COL23A1: variants seen among roughly 807,000 people sequenced by gnomAD.
The protein encoded by COL23A1 is collagen alpha-1(XXIII) chain.
A neutral mutation model predicts 99.3 loss-of-function variants in COL23A1; 97 were observed. The ratio of observed to expected loss-of-function variants is 0.98; its 90% CI spans 0.83 to 1.16. COL23A1 has a LOEUF of 1.16. Among genes scored for constraint, COL23A1 ranks in the 50% most tolerant of loss-of-function variants. The pLI is 0.00. For synonymous variants in COL23A1, 320 were observed against 308.2 expected (o/e 1.04, Z -0.40); for missense variants, 762 against 757.4 (o/e 1.01, Z -0.07).
rs2127923250 is a variant in COL23A1, at chr5:178,468,182, T to A, written c.361+92500A>T. ...GGTGTGCTTGTGTGTTCACGGAGGA[T>A]GAACACACCCACCCAGACCCCACCC... On this transcript the variant is annotated intron_variant, in intron 2 of 28. Coordinates refer to ENST00000390654, the MANE Select transcript of COL23A1 (RefSeq NM_173465.4). This position sits in a 1 kb window ranked among gnomAD's most constrained non-coding sequence, Gnocchi z 4.2. Among the ~76,000 whole-genome samples the A allele has an allele frequency of 6.6e-6, 1 of 152,006 alleles. No individual in the cohort carries two copies. Among genetic ancestry groups the A allele is most frequent in the East Asian group, 1.9e-4 (1 of 5,170 alleles).
chr5:178,345,319 G>A (rs373894512), intron 2 of COL23A1: 10 of 424,510 alleles, frequency 2.4e-5, no homozygotes, highest in East Asian at 9.7e-5. Context: ...GGAGCAATTC[G>A]GAAGAGAAAC....
intron 2 of COL23A1, among the ~76,000 whole-genome samples, chr5:178,394,530 G>A (rs75431630): frequency 0.031 from 4,771 of 152,316 alleles, 239 homozygotes; most frequent in African/African-American, 0.11. Flanking sequence ...CAAAAGCCAC[G>A]ATGTTCCGGC....
intron 2 of COL23A1, among the ~76,000 whole-genome samples, chr5:178,325,970 G>T (rs1759629065): frequency 6.6e-6 from 1 of 152,184 alleles, no homozygotes; most frequent in Non-Finnish European, 1.5e-5. Context: ...GGTCTTTCTA[G>T]CCAGGGCTGT....
intron 2 of COL23A1, among the ~76,000 whole-genome samples, chr5:178,376,285 T>C (rs1247505812): frequency 1.3e-5 from 2 of 152,258 alleles, no homozygotes; most frequent in Admixed American, 1.3e-4. Flanking sequence ...TATTTAGGTA[T>C]TCTCTGCTAT....
intron 2 of COL23A1, among the ~76,000 whole-genome samples, chr5:178,427,450 C>T (rs1222404486): frequency 6.6e-6 from 1 of 152,200 alleles, no homozygotes; most frequent in Non-Finnish European, 1.5e-5. Flanking sequence ...AACGTATGTC[C>T]ATACAAAAGC....
In COL23A1 at chr5:178,239,229, T is replaced by TCTACACCCCACATGCCCTCCC. The variant is rs1169184628; in HGVS notation, c.1582-71_1582-51dup. 3 of 1,600,770 alleles carry TCTACACCCCACATGCCCTCCC rather than the reference T, an allele frequency of 1.9e-6. No homozygotes were observed. The Admixed American group carries it at 5.0e-5, about 27-fold the overall frequency. On this transcript the variant is annotated intron_variant, in intron 27 of 28. Coordinates refer to ENST00000390654, the MANE Select transcript of COL23A1 (RefSeq NM_173465.4). ...ATGGGGATGGGGCCTGGGGAGCTCC[T>TCTACACCCCACATGCCCTCCC]CTACACCCCACATGCCCTCCCCTGG...
chr5:178,467,724 A>T (rs1024503807), intron 2 of COL23A1, among the ~76,000 whole-genome samples: 6 of 152,202 alleles, frequency 3.9e-5, no homozygotes, highest in Admixed American at 3.9e-4. Flanking sequence ...ATTCTTTTTA[A>T]TTGACTCATT....
At chr5:178,517,959 G>A (rs1439692009) in intron 2 of COL23A1, among the ~76,000 whole-genome samples, 1 of 130,104 alleles carries the variant, frequency 7.7e-6, no homozygotes, top group African/African-American at 3.3e-5. Flanking sequence ...GATTTGGCAG[G>A]GTCATGGGAC....
chr5:178,508,838 C>T (rs1401649228), intron 2 of COL23A1, among the ~76,000 whole-genome samples: 1 of 152,166 alleles, frequency 6.6e-6, no homozygotes, highest in Non-Finnish European at 1.5e-5. Flanking sequence ...TTCCTTGTGT[C>T]CCAGGGTCCC....
At chr5:178,386,015 A>C (rs1159009358) in intron 2 of COL23A1, among the ~76,000 whole-genome samples, 3 of 152,186 alleles carry the variant, frequency 2.0e-5, no homozygotes, top group African/African-American at 7.2e-5. Flanking sequence ...AGTGCATAGA[A>C]TTTGCAGATC....
chr5:178,371,129 C>A (rs968982865), intron 2 of COL23A1, among the ~76,000 whole-genome samples: 1 of 152,092 alleles, frequency 6.6e-6, no homozygotes, highest in Admixed American at 6.5e-5. Flanking sequence ...AACATCATGC[C>A]GCACACCATA....
At chr5:178,329,824 C>G (rs1759906700) in intron 2 of COL23A1, among the ~76,000 whole-genome samples, 1 of 152,044 alleles carries the variant, frequency 6.6e-6, no homozygotes, top group Non-Finnish European at 1.5e-5. Flanking sequence ...GTAGTCCCAG[C>G]TACTCAGGAG....
intron 2 of COL23A1, among the ~76,000 whole-genome samples, chr5:178,433,180 C>T (rs1766357369): frequency 6.6e-6 from 1 of 152,040 alleles, no homozygotes. Context: ...AGACTGCTCC[C>T]ACCGCAGAAC....
intron 2 of COL23A1, among the ~76,000 whole-genome samples, chr5:178,319,142 G>A (rs1759144668): frequency 6.6e-6 from 1 of 152,174 alleles, no homozygotes; most frequent in Non-Finnish European, 1.5e-5. Context: ...ACATGGGCTG[G>A]TGGCCTGTGG....
At chr5:178,533,558 C>T (rs10044611) in intron 2 of COL23A1, among the ~76,000 whole-genome samples, 4,602 of 152,202 alleles carry the variant, frequency 0.03, 203 homozygotes, top group African/African-American at 0.1. Flanking sequence ...AGTGCAGTGG[C>T]GTGATCTCGG....
At chr5:178,381,695 G>T (rs1199912760) in intron 2 of COL23A1, among the ~76,000 whole-genome samples, 2 of 152,176 alleles carry the variant, frequency 1.3e-5, no homozygotes, top group East Asian at 3.9e-4. Context: ...GAGTGCAGTG[G>T]CATGATCGTG....
intron 5 of COL23A1, among the ~76,000 whole-genome samples, chr5:178,274,320 T>C (rs2973759): frequency 0.57 from 86,820 of 152,122 alleles, 26,947 homozygotes; most frequent in Non-Finnish European, 0.72. Context: ...GGGCTGAGCC[T>C]GGCTCTGGGT....
intron 2 of COL23A1, among the ~76,000 whole-genome samples, chr5:178,358,676 T>TGTCTA (rs397701848): frequency 2.0e-4 from 19 of 96,958 alleles, no homozygotes; most frequent in African/African-American, 6.5e-4. Context: ...GTCTAATGTG[T>TGTCTA]ATGTGTATGT....
At chr5:178,356,000 T>C (rs1008095673) in intron 2 of COL23A1, among the ~76,000 whole-genome samples, 1 of 152,244 alleles carries the variant, frequency 6.6e-6, no homozygotes, top group African/African-American at 2.4e-5. Flanking sequence ...CAGATTTCTA[T>C]TTCCTGATAT....
Sources: allele counts gnomAD v4.1 joint callset (sites outside exome capture counted in the v4.1 genomes callset), GRCh38; gene constraint gnomAD v4.1.1; non-coding constraint Gnocchi (gnomAD v3.1); transcripts MANE v1.5; gene names NCBI Gene and HGNC (gene_info 2026-07-23, HGNC 2026-07-21).